Variants in CADM2 observed in about 807,000 individuals in gnomAD.
CADM2 encodes the protein cell adhesion molecule 2.
A neutral mutation model predicts 49.8 loss-of-function variants in CADM2; 12 were observed. The observed-to-expected ratio is 0.24, with a 90% CI of 0.15 to 0.39. CADM2 has a LOEUF of 0.39. Ranked by LOEUF, CADM2 falls within the 10% of genes least tolerant of loss-of-function variation. The pLI is 1.00. For synonymous variants in CADM2, 214 were observed against 175.4 expected (o/e 1.22, Z -1.74); for missense variants, 378 against 492.3 (o/e 0.77, Z 2.20).
At chr3:86,054,404 A>T (rs181753125) in intron 8 of CADM2, among the ~76,000 whole-genome samples, 3 of 152,234 alleles carry the variant, frequency 2.0e-5, no homozygotes, top group Admixed American at 2.0e-4. Flanking sequence ...GACTTGTTTA[A>T]AAATATATTT....
chr3:85,863,466 C>G (rs937039491), intron 3 of CADM2, among the ~76,000 whole-genome samples: 2 of 152,152 alleles, frequency 1.3e-5, no homozygotes, highest in Non-Finnish European at 2.9e-5. Context: ...GGGCTCTGCC[C>G]TCTTGAATGG....
chr3:85,693,897 A>T (rs1239433319), intron 1 of CADM2, among the ~76,000 whole-genome samples: 1 of 150,476 alleles, frequency 6.6e-6, no homozygotes, highest in African/African-American at 2.4e-5. Flanking sequence ...CTCCCTCTAA[A>T]AAAAAAAAAA....
At chr3:85,154,455 A>T (rs1288224077) in intron 1 of CADM2, among the ~76,000 whole-genome samples, 1 of 152,300 alleles carries the variant, frequency 6.6e-6, no homozygotes, top group East Asian at 1.9e-4. Context: ...GACCAAATCT[A>T]CATCTGATTG....
At chr3:85,762,596 T>TCA (rs2069445217) in intron 2 of CADM2, among the ~76,000 whole-genome samples, 2 of 100,286 alleles carry the variant, frequency 2.0e-5, no homozygotes, top group Non-Finnish European at 3.7e-5. Context: ...GCACTACTCC[T>TCA]CTCTCTCTCT....
At chr3:85,098,436 C>A (rs955592245) in intron 1 of CADM2, among the ~76,000 whole-genome samples, 4 of 152,040 alleles carry the variant, frequency 2.6e-5, no homozygotes, top group African/African-American at 4.8e-5. Flanking sequence ...CAAGTCACCA[C>A]GCTTTTTTGA....
At chr3:85,258,722 G>A (rs80351312) in intron 1 of CADM2, among the ~76,000 whole-genome samples, 5,196 of 152,034 alleles carry the variant, frequency 0.034, 113 homozygotes, top group Middle Eastern at 0.058. Context: ...TTAGAAGTTG[G>A]GCTCTATCAT....
At chr3:85,536,093 G>C (rs533222788) in intron 1 of CADM2, among the ~76,000 whole-genome samples, 2 of 152,114 alleles carry the variant, frequency 1.3e-5, no homozygotes, top group South Asian at 4.2e-4. Context: ...GGGGTATTTA[G>C]AAAGAAAGAA....
chr3:85,360,729 T>C (rs948536684), intron 1 of CADM2, among the ~76,000 whole-genome samples: 1 of 152,190 alleles, frequency 6.6e-6, no homozygotes, highest in African/African-American at 2.4e-5. Context: ...ACACCCTTAT[T>C]GCCACTGCCC....
intron 1 of CADM2, among the ~76,000 whole-genome samples, chr3:85,251,161 A>G (rs1326632427): frequency 6.6e-6 from 1 of 151,750 alleles, no homozygotes; most frequent in Non-Finnish European, 1.5e-5. Flanking sequence ...GCATTTTTTC[A>G]ATTTACAAAA....
rs1026824619 is a variant in CADM2, at chr3:85,163,555, C to T, written c.61+203887C>T. On this transcript the variant is annotated intron_variant, in intron 1 of 9. Transcript: ENST00000383699. Reference sequence around the variant, plus strand: ...AAAATCGACCCTCAGGATTTTACGCCCTCAGACAATTAATCTGCATGTATT... The same window carrying T: ...AAAATCGACCCTCAGGATTTTACGCTCTCAGACAATTAATCTGCATGTATT... 1.8e-4 allele frequency among the ~76,000 whole-genome samples: 27 copies of T among 151,964 alleles called. 1 individual carries two copies. The highest frequency in any genetic ancestry group is 6.5e-4 in the African/African-American group (27 of 41,466).
At chr3:86,009,134 GATATATATATAGAT>G (rs1731165993) in intron 8 of CADM2, among the ~76,000 whole-genome samples, 1 of 140,382 alleles carries the variant, frequency 7.1e-6, no homozygotes, top group African/African-American at 2.7e-5. Flanking sequence ...TGTGTATATA[GATATATATATAGAT>G]ATATATATAT....
At chr3:85,932,888 T>C (rs1422395144) in intron 6 of CADM2, among the ~76,000 whole-genome samples, 2 of 152,108 alleles carry the variant, frequency 1.3e-5, no homozygotes, top group Non-Finnish European at 2.9e-5. Flanking sequence ...TCCTGAGAGT[T>C]GTATGGAAAT....
chr3:85,665,869 A>C (rs1317395601), intron 1 of CADM2, among the ~76,000 whole-genome samples: 1 of 152,058 alleles, frequency 6.6e-6, no homozygotes, highest in African/African-American at 2.4e-5. Context: ...CAGAGCAATA[A>C]GTAATAATGA....
intron 1 of CADM2, among the ~76,000 whole-genome samples, chr3:85,588,802 C>T (rs1334368929): frequency 6.6e-6 from 1 of 151,972 alleles, no homozygotes; most frequent in Non-Finnish European, 1.5e-5. Context: ...GCAAATAGTG[C>T]ACCTGCCTGG....
chr3:84,974,320 A>C (rs2031671631), intron 1 of CADM2, among the ~76,000 whole-genome samples: 1 of 151,976 alleles, frequency 6.6e-6, no homozygotes, highest in South Asian at 2.1e-4. Context: ...TATTTGGATT[A>C]TACACAGTAA....
At chr3:85,727,988 G>A (rs962265065) in intron 2 of CADM2, among the ~76,000 whole-genome samples, 2 of 152,108 alleles carry the variant, frequency 1.3e-5, no homozygotes, top group African/African-American at 4.8e-5. Flanking sequence ...CTAAGATGAT[G>A]CAATAGACAA....
rs750571484 is a variant in CADM2 at position 85,568,449 on chromosome 3, T to TTC, written c.62-158071_62-158070dup. Among the ~76,000 whole-genome samples, 210 of 27,664 alleles carry TTC rather than the reference T, an allele frequency of 7.6e-3. 10 individuals carry two copies. The highest frequency in any genetic ancestry group is 0.023 in the Middle Eastern group (1 of 44). The allele number at this position is 27,664 out of a possible 152,430, so 18.1% of individuals were successfully genotyped here. On this transcript the variant is annotated intron_variant, in intron 1 of 9. Coordinates refer to ENST00000383699, the MANE Select transcript of CADM2 (RefSeq NM_001167675.2). Reference sequence around the variant, plus strand: ...TTTCTTTCTTTCTTTCTTTCTTTCTTTCTTTCTTTCTTTCTCTTTCTCTCT... The same window carrying TTC: ...TTTCTTTCTTTCTTTCTTTCTTTCTTTCTCTTTCTTTCTTTCTCTTTCTCTCT...
intron 7 of CADM2, among the ~76,000 whole-genome samples, chr3:85,949,785 T>TTTAA (rs1231773366): frequency 6.6e-6 from 1 of 151,036 alleles, no homozygotes; most frequent in East Asian, 1.9e-4. Flanking sequence ...TAACACAGTG[T>TTTAA]TTAATATCAA....
chr3:85,009,484 A>G (rs1208534239), intron 1 of CADM2, among the ~76,000 whole-genome samples: 1 of 152,176 alleles, frequency 6.6e-6, no homozygotes, highest in African/African-American at 2.4e-5. Flanking sequence ...AATGGACCAA[A>G]TTACATTGAT....
Sources: allele counts gnomAD v4.1 joint callset (sites outside exome capture counted in the v4.1 genomes callset), GRCh38; gene constraint gnomAD v4.1.1; transcripts MANE v1.5; gene names NCBI Gene and HGNC (gene_info 2026-07-23, HGNC 2026-07-21).